MGAT4C: variants seen among roughly 807,000 people sequenced by gnomAD.
MGAT4C encodes alpha-1,3-mannosyl-glycoprotein 4-beta-N-acetylglucosaminyltransferase C.
A neutral mutation model predicts 40.1 loss-of-function variants in MGAT4C; 19 were observed. The observed-to-expected ratio is 0.47, with a 90% CI of 0.33 to 0.70. MGAT4C has a LOEUF of 0.70. Ranked by LOEUF, MGAT4C falls within the 30% of genes least tolerant of loss-of-function variation. MGAT4C has a pLI of 0.02. For synonymous variants in MGAT4C, 181 were observed against 187.1 expected (o/e 0.97, Z 0.27); for missense variants, 491 against 563.2 (o/e 0.87, Z 1.30).
intron 1 of MGAT4C, among the ~76,000 whole-genome samples, chr12:86,202,498 T>G (rs1950088741): frequency 6.6e-6 from 1 of 152,092 alleles, no homozygotes; most frequent in South Asian, 2.1e-4. Context: ...AATATTTTCT[T>G]TAAAATATTT....
chr12:86,804,557 C>T (rs1441211008), intron 1 of MGAT4C, among the ~76,000 whole-genome samples: 2 of 151,808 alleles, frequency 1.3e-5, no homozygotes, highest in African/African-American at 4.8e-5. Flanking sequence ...TGAAATAAGT[C>T]TTTGTCAGTG....
chr12:86,153,807 A>G (rs1203915132), intron 1 of MGAT4C, among the ~76,000 whole-genome samples: 2 of 152,150 alleles, frequency 1.3e-5, no homozygotes, highest in African/African-American at 4.8e-5. Context: ...GCCATGTGGA[A>G]CTGTGAGTCA....
intron 2 of MGAT4C, among the ~76,000 whole-genome samples, chr12:86,552,698 G>C (rs907440958): frequency 6.6e-6 from 1 of 151,858 alleles, no homozygotes; most frequent in African/African-American, 2.4e-5. Flanking sequence ...AAAATAAATA[G>C]AATTAGGAAG....
At chr12:86,734,941 G>T (rs1379348146) in intron 1 of MGAT4C, among the ~76,000 whole-genome samples, 2 of 151,976 alleles carry the variant, frequency 1.3e-5, no homozygotes, top group Admixed American at 6.6e-5. Context: ...GAGGAAAGGA[G>T]TAGGAAAACA....
intron 3 of MGAT4C, among the ~76,000 whole-genome samples, chr12:86,367,331 C>A (rs1334521013): frequency 1.3e-5 from 2 of 152,092 alleles, no homozygotes; most frequent in Non-Finnish European, 2.9e-5. Context: ...CATTCCTTAC[C>A]CTTCAGGTCC....
chr12:86,404,899 TA>T (rs1209917366), intron 3 of MGAT4C, among the ~76,000 whole-genome samples: 1 of 152,120 alleles, frequency 6.6e-6, no homozygotes, highest in East Asian at 1.9e-4. Context: ...AATGTGTAAC[TA>T]AATGAGATAG....
chr12:86,191,130 CACA>C lies in MGAT4C; in HGVS notation c.-57+65106_-57+65108del, dbSNP rs755094626. On this transcript the variant is annotated intron_variant, in intron 1 of 4. Coordinates refer to ENST00000611864, the MANE Select transcript of MGAT4C (RefSeq NM_001351288.2). ...ACACACACACACACACACACACACA[CACA>C]CCCCTATAGGGTCTGTTTCTCTAAA... Among the ~76,000 whole-genome samples the C allele has an allele frequency of 4.9e-3, 659 of 133,168 alleles. 6 individuals are homozygous for C. Among genetic ancestry groups the C allele is most frequent in the African/African-American group, 0.012 (434 of 35,292 alleles). 87.4% of individuals were successfully genotyped at this position (133,168 alleles called of 152,430 possible). A position where few individuals can be genotyped will look rare whatever the true frequency, so the allele number is the denominator to read the frequency against.
At chr12:86,666,382 T>C (rs1289445785) in intron 2 of MGAT4C, among the ~76,000 whole-genome samples, 1 of 152,134 alleles carries the variant, frequency 6.6e-6, no homozygotes, top group African/African-American at 2.4e-5. Context: ...TAGTCCTCCA[T>C]TCAGCCTTAA....
intron 1 of MGAT4C, among the ~76,000 whole-genome samples, chr12:86,727,631 A>G (rs943986700): frequency 4.6e-5 from 7 of 152,138 alleles, no homozygotes; most frequent in African/African-American, 1.7e-4. Context: ...AAAATTTTAA[A>G]ACAGTAAAAT....
intron 2 of MGAT4C, among the ~76,000 whole-genome samples, chr12:86,688,379 C>A (rs1363070582): frequency 6.6e-6 from 1 of 151,916 alleles, no homozygotes; most frequent in Non-Finnish European, 1.5e-5. Context: ...TTAATTTGAT[C>A]CTGTCATTAT....
At chr12:86,010,553 C>A (rs935600220) in intron 2 of MGAT4C, among the ~76,000 whole-genome samples, 4 of 152,138 alleles carry the variant, frequency 2.6e-5, no homozygotes, top group Non-Finnish European at 4.4e-5. Flanking sequence ...TGGTGCACAC[C>A]CGTAATCTCA....
chr12:86,572,446 C>T (rs1259426737), intron 2 of MGAT4C, among the ~76,000 whole-genome samples: 1 of 151,936 alleles, frequency 6.6e-6, no homozygotes, highest in Non-Finnish European at 1.5e-5. Flanking sequence ...TATACATAAC[C>T]CTGATTTTAT....
At chr12:86,745,671 G>C (rs1286904143) in intron 1 of MGAT4C, among the ~76,000 whole-genome samples, 1 of 151,638 alleles carries the variant, frequency 6.6e-6, no homozygotes, top group Non-Finnish European at 1.5e-5. Context: ...TAATAATCAT[G>C]TTTTGATTAA....
chr12:86,291,337 T>C (rs539044238), intron 4 of MGAT4C, among the ~76,000 whole-genome samples: 5 of 152,342 alleles, frequency 3.3e-5, no homozygotes, highest in African/African-American at 9.6e-5. Flanking sequence ...AGATGGGTTC[T>C]GTAAGCTGGA....
At position 86,480,445 on chromosome 12, in the gene MGAT4C, CAT is replaced by C. The variant is rs1216084792; in HGVS notation, c.-228-45182_-228-45181del. Among the ~76,000 whole-genome samples the C allele has an allele frequency of 1.1e-4, 16 of 150,088 alleles. 1 individual carries two copies. The Admixed American group carries it at 1.1e-3, about 10-fold the overall frequency. ...ACATATAAACATGTATGTATGTATACATATATAGATATGTACACATATACATA... is the reference window on the plus strand; with the variant it reads ...ACATATAAACATGTATGTATGTATACATATAGATATGTACACATATACATA... On this transcript the variant is annotated intron_variant, in intron 2 of 7. Coordinates refer to the MGAT4C transcript ENST00000548651.
At chr12:86,205,645 T>C (rs1247918833) in intron 1 of MGAT4C, among the ~76,000 whole-genome samples, 4 of 151,964 alleles carry the variant, frequency 2.6e-5, no homozygotes, top group African/African-American at 9.7e-5. Flanking sequence ...ATAAAACTGG[T>C]TCTTAAACCC....
chr12:86,077,991 C>A (rs184759206), intron 1 of MGAT4C, among the ~76,000 whole-genome samples: 1 of 152,234 alleles, frequency 6.6e-6, no homozygotes, highest in South Asian at 2.1e-4. Context: ...CTGATGGCAG[C>A]GTTCCTCCCT....
intron 3 of MGAT4C, among the ~76,000 whole-genome samples, chr12:86,434,528 T>C (rs1246168294): frequency 6.6e-6 from 1 of 151,984 alleles, no homozygotes; most frequent in Non-Finnish European, 1.5e-5. Context: ...GTAGAGATTC[T>C]CATACAAATG....
At chr12:86,824,250 T>C (rs1213835520) in intron 1 of MGAT4C, among the ~76,000 whole-genome samples, 1 of 151,342 alleles carries the variant, frequency 6.6e-6, no homozygotes, top group Admixed American at 6.6e-5. Flanking sequence ...AGCACAAGAG[T>C]AGCGATGCTG....
Sources: allele counts gnomAD v4.1 joint callset (sites outside exome capture counted in the v4.1 genomes callset), GRCh38; gene constraint gnomAD v4.1.1; transcripts MANE v1.5; gene names NCBI Gene and HGNC (gene_info 2026-07-23, HGNC 2026-07-21).